The following SNTG1 variants were observed in gnomAD, a reference collection of about 807,000 sequenced individuals.
SNTG1 encodes syntrophin gamma 1, also known as gamma-1-syntrophin.
A neutral mutation model predicts 74.7 loss-of-function variants in SNTG1; 39 were observed. The ratio of observed to expected loss-of-function variants is 0.52; its 90% CI spans 0.40 to 0.68. The LOEUF (loss-of-function observed/expected upper bound fraction) is 0.68. Ranked by LOEUF, SNTG1 falls within the 30% of genes least tolerant of loss-of-function variation. The pLI is 0.00. For synonymous variants in SNTG1, 254 were observed against 217.1 expected, an observed-to-expected ratio of 1.17 and a Z score of -1.49; for missense variants, 685 against 609.5, an observed-to-expected ratio of 1.12 and a Z score of -1.30.
Position 50,569,474 on chromosome 8 carries a change from A to T in SNTG1, c.810+16295A>T, listed in dbSNP as rs951585367. Among the ~76,000 whole-genome samples, 3 of 152,262 alleles carry T rather than the reference A, an allele frequency of 2.0e-5. No individual in the cohort carries two copies. In the East Asian group the frequency reaches 5.8e-4, roughly 29 times the overall value. On this transcript the variant is annotated intron_variant, in intron 12 of 18. Transcript: ENST00000642720. ...TGTACTACCACTTGCAAGTTAAAAA[A>T]TCATTTTTTTTCCATAAAAGCGTTG...
At chr8:50,556,192 A>T (rs894255680) in intron 12 of SNTG1, among the ~76,000 whole-genome samples, 1 of 152,192 alleles carries the variant, frequency 6.6e-6, no homozygotes, top group Non-Finnish European at 1.5e-5. Context: ...TTTAATACTT[A>T]GTAAATGATG....
At chr8:50,069,246 G>C (rs753424742) in intron 1 of SNTG1, among the ~76,000 whole-genome samples, 4 of 152,178 alleles carry the variant, frequency 2.6e-5, no homozygotes, top group Non-Finnish European at 2.9e-5. Flanking sequence ...ACAGGCTCTT[G>C]TAGTTTCCTC....
chr8:50,520,140 A>T lies in SNTG1; in HGVS notation c.467-10037A>T, dbSNP rs569520767. On this transcript the variant is annotated intron_variant, in intron 9 of 18. Transcript: ENST00000642720. Reference sequence around the variant, plus strand: ...TGAGGCCTTAGAAATAATGCCATACATCTACAACCATCTGGTCTTTGACAA... The same window carrying T: ...TGAGGCCTTAGAAATAATGCCATACTTCTACAACCATCTGGTCTTTGACAA... 7.9e-5 allele frequency among the ~76,000 whole-genome samples: 12 copies of T among 152,336 alleles called. No homozygotes were observed. The East Asian group carries it at 1.7e-3, about 22-fold the overall frequency.
Position 50,794,877 on chromosome 8 carries a change from T to G in SNTG1, c.*2048T>G, listed in dbSNP as rs2095701078. 1 of 152,078 alleles carries G rather than the reference T, an allele frequency of 6.6e-6. No homozygotes were observed. Among genetic ancestry groups the G allele is most frequent in the Admixed American group, 6.6e-5 (1 of 15,232 alleles). The allele number at this position is 152,078 out of a possible 1,614,324, so 9.4% of individuals were successfully genotyped here. On this transcript the variant is annotated 3_prime_UTR_variant, in exon 19 of 19. Coordinates refer to ENST00000642720, the MANE Select transcript of SNTG1 (RefSeq NM_018967.5). ...ATGATTTAAAAATTGTGAAATTTTGTAAACGTTCCATTTTAGAATTTAAAA... is the reference window on the plus strand; with the variant it reads ...ATGATTTAAAAATTGTGAAATTTTGGAAACGTTCCATTTTAGAATTTAAAA...
chr8:50,689,512 G>T (rs1008899771), intron 15 of SNTG1, among the ~76,000 whole-genome samples: 3 of 152,066 alleles, frequency 2.0e-5, no homozygotes, highest in Non-Finnish European at 2.9e-5. Flanking sequence ...TAATCATGTG[G>T]TTTTTGTCTT....
At chr8:50,529,660 G>GT (rs1038578859) in intron 9 of SNTG1, among the ~76,000 whole-genome samples, 23 of 151,986 alleles carry the variant, frequency 1.5e-4, no homozygotes, top group Middle Eastern at 3.4e-3. Flanking sequence ...CTAATATGAA[G>GT]TTTTTTCATT....
intron 9 of SNTG1, among the ~76,000 whole-genome samples, chr8:50,519,285 G>T (rs1396895224): frequency 1.3e-5 from 2 of 152,008 alleles, no homozygotes; most frequent in African/African-American, 4.8e-5. Context: ...AATAAACTAG[G>T]TATTGATGGA....
chr8:49,911,191 A>G (rs1027710480), upstream of SNTG1: 4 of 152,188 alleles, frequency 2.6e-5, no homozygotes, highest in Admixed American at 6.5e-5. Flanking sequence ...GGGTTTCTCA[A>G]AATTTGAATG....
At chr8:50,271,788 A>G (rs1323584767) in intron 2 of SNTG1, among the ~76,000 whole-genome samples, 1 of 152,188 alleles carries the variant, frequency 6.6e-6, no homozygotes, top group Non-Finnish European at 1.5e-5. Context: ...AAGACATAAA[A>G]TATACATACC....
intron 2 of SNTG1, among the ~76,000 whole-genome samples, chr8:50,328,496 G>A (rs2090840232): frequency 6.6e-6 from 1 of 152,198 alleles, no homozygotes; most frequent in South Asian, 2.1e-4. Flanking sequence ...AGGGGAAAGA[G>A]AAGCAAACAC....
chr8:50,266,665 T>G (rs1190173154), intron 2 of SNTG1, among the ~76,000 whole-genome samples: 1 of 117,506 alleles, frequency 8.5e-6, no homozygotes. Context: ...TGTGTGTGTG[T>G]GTGTGTGTGT....
chr8:50,502,791 G>C lies in SNTG1; in HGVS notation c.377G>C (p.Arg126Pro). Reference protein sequence around the residue: ...CRHEEVVQVLRNAGEEVTLTV... With the variant: ...CRHEEVVQVLPNAGEEVTLTV... ...TCTTTTTTTCAGGTTCAGGTTCTTC[G>C]GAATGCTGGAGAAGAAGTGACTCTA... Residue 126 changes from arginine (R) to proline (P), a missense_variant, in exon 9 of 19, where the codon CGG becomes CCG. Transcript: ENST00000642720. 6.2e-7 allele frequency: 1 copy of C among 1,611,372 alleles called. No individual in the cohort carries two copies. Among genetic ancestry groups the C allele is most frequent in the Non-Finnish European group, 8.5e-7 (1 of 1,178,330 alleles).
At chr8:50,417,202 T>G (rs1396247491) in intron 4 of SNTG1, among the ~76,000 whole-genome samples, 3 of 152,170 alleles carry the variant, frequency 2.0e-5, no homozygotes, top group Non-Finnish European at 4.4e-5. Context: ...CAATTGCTTA[T>G]ATACACAAGT....
chr8:50,014,213 AT>A (rs1265242923), intron 1 of SNTG1, among the ~76,000 whole-genome samples: 58 of 152,092 alleles, frequency 3.8e-4, no homozygotes, highest in Non-Finnish European at 4.4e-5. Flanking sequence ...TAAAAATACT[AT>A]CCCCAGAGCA....
intron 1 of SNTG1, among the ~76,000 whole-genome samples, chr8:49,977,592 G>A (rs1251027350): frequency 6.6e-6 from 1 of 152,186 alleles, no homozygotes; most frequent in Non-Finnish European, 1.5e-5. Context: ...GAGGGTAAGA[G>A]GCTAGGCATG....
chr8:50,670,756 C>G (rs2131341499), intron 15 of SNTG1, among the ~76,000 whole-genome samples: 1 of 148,918 alleles, frequency 6.7e-6, no homozygotes, highest in South Asian at 2.2e-4. Flanking sequence ...GCCAAAAGAA[C>G]AAAGCTGGAG....
At chr8:50,416,631 A>G (rs1169064766) in intron 4 of SNTG1, among the ~76,000 whole-genome samples, 1 of 152,162 alleles carries the variant, frequency 6.6e-6, no homozygotes, top group Admixed American at 6.6e-5. Context: ...TTTACAGAAT[A>G]TTTTAGATAG....
At chr8:49,923,114 C>G (rs910122685) in intron 1 of SNTG1, among the ~76,000 whole-genome samples, 3 of 151,980 alleles carry the variant, frequency 2.0e-5, no homozygotes, top group African/African-American at 7.2e-5. Flanking sequence ...ACCATTCTAC[C>G]GAATAACTCA....
At chr8:50,789,212 A>G (rs2095684458) in intron 18 of SNTG1, among the ~76,000 whole-genome samples, 1 of 151,948 alleles carries the variant, frequency 6.6e-6, no homozygotes. Context: ...CTTGTAAAGG[A>G]TTAAAATGGC....
Sources: gnomAD v4.1 joint callset for allele counts (sites outside exome capture counted in the v4.1 genomes callset) on GRCh38, gnomAD v4.1.1 for gene constraint, MANE v1.5 for transcripts, NCBI Gene and HGNC (gene_info 2026-07-23, HGNC 2026-07-21) for gene names.